The following SMIM35 variants were observed in gnomAD, a reference collection of about 807,000 sequenced individuals.
SMIM35 encodes the protein small integral membrane protein 35, also known as TMPRSS4 antisense RNA 1 (non-protein coding).
chr11:118,038,144 G>C (rs189366971), intron 1 of SMIM35, among the ~76,000 whole-genome samples: 2 of 152,180 alleles, frequency 1.3e-5, no homozygotes, highest in African/African-American at 4.8e-5. Flanking sequence ...GTGAAAAGTC[G>C]TGTGTCAGAA....
chr11:118,049,638 C>T (rs759187712), intron 1 of SMIM35, among the ~76,000 whole-genome samples: 42 of 152,038 alleles, frequency 2.8e-4, no homozygotes, highest in Non-Finnish European at 3.5e-4. Context: ...CATGAGCCAC[C>T]GCACCTGGCC....
intron 1 of SMIM35, among the ~76,000 whole-genome samples, chr11:118,075,455 A>G (rs1479395434): frequency 6.6e-6 from 1 of 152,200 alleles, no homozygotes; most frequent in Non-Finnish European, 1.5e-5. Context: ...CATGGGCCAT[A>G]TTATCCCAAA....
intron 1 of SMIM35, among the ~76,000 whole-genome samples, chr11:118,082,028 A>G (rs570140231): frequency 6.6e-6 from 1 of 152,220 alleles, no homozygotes; most frequent in South Asian, 2.1e-4. Context: ...ATCACTCACG[A>G]TCACATCTCC....
At chr11:118,024,796 A>C (rs2058260534) in intron 1 of SMIM35, among the ~76,000 whole-genome samples, 1 of 152,054 alleles carries the variant, frequency 6.6e-6, no homozygotes, top group East Asian at 1.9e-4. Context: ...TAGATTCAGG[A>C]AGTAGATGTA....
intron 1 of SMIM35, chr11:118,028,627 C>T (rs897031097): frequency 6.9e-5 from 16 of 230,958 alleles, no homozygotes; most frequent in African/African-American, 1.4e-4. Context: ...GTTTTCAGTT[C>T]GTAAAGAAGA....
At chr11:118,068,375 A>G (rs1484612481) in intron 1 of SMIM35, among the ~76,000 whole-genome samples, 15 of 152,082 alleles carry the variant, frequency 9.9e-5, no homozygotes, top group Admixed American at 9.8e-4. Flanking sequence ...GAGTTTGCCA[A>G]CAGGATGACA....
chr11:118,066,466 C>T (rs1440769584), intron 1 of SMIM35, among the ~76,000 whole-genome samples: 1 of 152,198 alleles, frequency 6.6e-6, no homozygotes, highest in South Asian at 2.1e-4. Context: ...CCTGCTTAAA[C>T]TCCTACTGGC....
chr11:118,056,475 C>A (rs1228349445), intron 1 of SMIM35, among the ~76,000 whole-genome samples: 1 of 152,110 alleles, frequency 6.6e-6, no homozygotes, highest in Non-Finnish European at 1.5e-5. Flanking sequence ...GAAGGCAGTT[C>A]CATCGTCCTG....
chr11:118,014,671 C>T, intron 3 of SMIM35, 37 bp downstream of exon 3: 2 of 398,900 alleles, frequency 5.0e-6, no homozygotes, highest in East Asian at 3.6e-5. Flanking sequence ...CTACCCCCAA[C>T]CCCCACCTCA....
intron 1 of SMIM35, chr11:118,077,182 C>T: frequency 7.5e-7 from 1 of 1,334,314 alleles, no homozygotes; most frequent in Non-Finnish European, 1.0e-6. Flanking sequence ...CCAGCCAGTG[C>T]TGACCAGGGA....
chr11:118,066,940 A>C (rs1944483231), intron 1 of SMIM35, among the ~76,000 whole-genome samples: 1 of 152,028 alleles, frequency 6.6e-6, no homozygotes, highest in African/African-American at 2.4e-5. Context: ...AGATAATGGG[A>C]GCCCCTTCCG....
chr11:118,010,879 G>A (rs949733087), intron 4 of SMIM35, among the ~76,000 whole-genome samples: 4 of 152,238 alleles, frequency 2.6e-5, no homozygotes, highest in African/African-American at 9.6e-5. Flanking sequence ...AAGGTGTTGG[G>A]AGAGGCTCTG....
Position 118,050,598 on chromosome 11 carries a change from C to G in SMIM35, c.8-34789G>C, listed in dbSNP as rs781772631. Among the ~76,000 whole-genome samples the G allele has an allele frequency of 2.0e-5, 3 of 152,220 alleles. 1 individual carries two copies. Among genetic ancestry groups the G allele is most frequent in the Admixed American group, 2.0e-4 (3 of 15,280 alleles). On this transcript the variant is annotated intron_variant, in intron 1 of 4. Transcript: ENST00000689828. The stretch of plus-strand genomic sequence containing the variant: ...AAGTGGCGGTCACCCATCCTGAGCA[C>G]CCCCGCAGTCCTCCTGCCTCAAAGC...
At chr11:118,060,837 G>A (rs1944383084) in intron 1 of SMIM35, among the ~76,000 whole-genome samples, 1 of 152,144 alleles carries the variant, frequency 6.6e-6, no homozygotes, top group South Asian at 2.1e-4. Flanking sequence ...CCTCCCACAT[G>A]GCTGCCCTCA....
intron 1 of SMIM35, among the ~76,000 whole-genome samples, chr11:118,048,946 C>CAAAGAAAAAAAAAAA (rs1944158463): frequency 1.7e-5 from 1 of 60,490 alleles, no homozygotes; most frequent in Non-Finnish European, 3.0e-5. Flanking sequence ...TGAAGAGCTG[C>CAAAGAAAAAAAAAAA]AAAAAAAAAA....
chr11:118,022,808 A>G (rs1474297023), intron 1 of SMIM35, among the ~76,000 whole-genome samples: 1 of 152,050 alleles, frequency 6.6e-6, no homozygotes, highest in Non-Finnish European at 1.5e-5. Context: ...AGCAGGGCCT[A>G]TTCCCATAAA....
At chr11:118,033,653 C>T (rs1041423598) in intron 1 of SMIM35, among the ~76,000 whole-genome samples, 2 of 151,962 alleles carry the variant, frequency 1.3e-5, no homozygotes, top group Admixed American at 6.6e-5. Context: ...CTCCTGATAC[C>T]GAAAGAAAAG....
intron 1 of SMIM35, among the ~76,000 whole-genome samples, chr11:118,019,985 T>C (rs778257617): frequency 1.3e-5 from 2 of 152,236 alleles, no homozygotes; most frequent in Non-Finnish European, 2.9e-5. Context: ...AAATCTCGGC[T>C]GGGCATGGTG....
intron 1 of SMIM35, among the ~76,000 whole-genome samples, chr11:118,056,847 A>T (rs759956906): frequency 6.6e-6 from 1 of 152,212 alleles, no homozygotes; most frequent in East Asian, 1.9e-4. Context: ...AACGGAGGTC[A>T]TCAGTGGCCT....
Sources: gnomAD v4.1 joint callset for allele counts (sites outside exome capture counted in the v4.1 genomes callset) on GRCh38, gnomAD v4.1.1 for gene constraint, MANE v1.5 for transcripts, NCBI Gene and HGNC (gene_info 2026-07-23, HGNC 2026-07-21) for gene names.